Variants in TNNI3K observed in about 807,000 individuals in gnomAD.
The protein encoded by TNNI3K is TNNI3 interacting kinase.
TNNI3K carries 140 observed loss-of-function variants against 114.5 expected under a neutral mutation model. The observed-to-expected ratio is 1.22, with a 90% CI of 1.07 to 1.41. The LOEUF (loss-of-function observed/expected upper bound fraction) is 1.41, where lower values mean the gene tolerates loss of function less well. Among genes scored for constraint, TNNI3K ranks in the 40% most tolerant of loss-of-function variants. TNNI3K has a pLI of 0.00. For synonymous variants in TNNI3K, 347 were observed against 347.5 expected (o/e 1.00, Z 0.02); for missense variants, 1,125 against 1,007.6 (o/e 1.12, Z -1.58).
chr1:74,454,159 G>T (rs913015996), intron 20 of TNNI3K, among the ~76,000 whole-genome samples: 1 of 152,034 alleles, frequency 6.6e-6, no homozygotes, highest in Non-Finnish European at 1.5e-5. Flanking sequence ...AATGTGTAAT[G>T]ATCAAACCAG....
intron 5 of TNNI3K, among the ~76,000 whole-genome samples, chr1:74,320,802 G>A (rs1659566513): frequency 6.6e-6 from 1 of 152,132 alleles, no homozygotes; most frequent in South Asian, 2.1e-4. Flanking sequence ...GATTTTTCAA[G>A]TAGAGGCAAA....
intron 20 of TNNI3K, among the ~76,000 whole-genome samples, chr1:74,445,946 A>G (rs1666646328): frequency 6.6e-6 from 1 of 152,118 alleles, no homozygotes; most frequent in African/African-American, 2.4e-5. Flanking sequence ...TCATTGTTGG[A>G]CATTTGGGTT....
intron 5 of TNNI3K, among the ~76,000 whole-genome samples, chr1:74,282,015 C>A (rs1001620384): frequency 1.3e-5 from 2 of 152,098 alleles, no homozygotes; most frequent in Non-Finnish European, 2.9e-5. Context: ...GGTCATGGTA[C>A]ATTATTCCCT....
intron 23 of TNNI3K, 102 bp downstream of exon 23, chr1:74,492,368 C>A: frequency 1.8e-5 from 23 of 1,311,160 alleles, no homozygotes; most frequent in Non-Finnish European, 2.2e-5. Context: ...TGATTACCCC[C>A]TGAAAAACTT....
intron 23 of TNNI3K, among the ~76,000 whole-genome samples, chr1:74,519,954 G>A (rs1646406977): frequency 6.6e-6 from 1 of 151,946 alleles, no homozygotes; most frequent in Non-Finnish European, 1.5e-5. Flanking sequence ...TTTCTCCTTT[G>A]GATACTGCCA....
intron 23 of TNNI3K, among the ~76,000 whole-genome samples, chr1:74,495,762 A>C (rs559121127): frequency 6.6e-6 from 1 of 152,236 alleles, no homozygotes; most frequent in East Asian, 1.9e-4. Context: ...CTGGCATAGG[A>C]GATGCATGTT....
intron 11 of TNNI3K, among the ~76,000 whole-genome samples, chr1:74,365,094 TA>T (rs1194770778): frequency 6.6e-6 from 1 of 152,038 alleles, no homozygotes; most frequent in Non-Finnish European, 1.5e-5. Flanking sequence ...AAGTAAAGTG[TA>T]AAAGCAGTGA....
chr1:74,268,705 CAT>C (rs1366225229), intron 4 of TNNI3K, among the ~76,000 whole-genome samples: 32 of 151,808 alleles, frequency 2.1e-4, no homozygotes, highest in Non-Finnish European at 1.3e-4. Flanking sequence ...CTCCAGTGCA[CAT>C]AGTCATTGTG....
intron 3 of TNNI3K, 100 bp downstream of exon 3, chr1:74,249,644 C>T (rs1654807260): frequency 1.7e-6 from 2 of 1,177,892 alleles, no homozygotes; most frequent in African/African-American, 1.6e-5. Context: ...TATTCATACT[C>T]AATTTTCCCT....
chr1:74,537,809 T>A (rs925423764), intron 23 of TNNI3K, among the ~76,000 whole-genome samples: 2 of 152,154 alleles, frequency 1.3e-5, no homozygotes, highest in Non-Finnish European at 2.9e-5. Flanking sequence ...CTGGGAGTTT[T>A]CAAGAGGGCT....
intron 2 of TNNI3K, among the ~76,000 whole-genome samples, chr1:74,246,243 C>A (rs1570364053): frequency 6.6e-6 from 1 of 152,200 alleles, no homozygotes; most frequent in Non-Finnish European, 1.5e-5. Context: ...TTTAAACCCT[C>A]AAAGCCAAAT....
At chr1:74,535,749 G>A (rs1439512025) in intron 23 of TNNI3K, among the ~76,000 whole-genome samples, 12 of 152,172 alleles carry the variant, frequency 7.9e-5, no homozygotes, top group Admixed American at 6.5e-4. Context: ...CTGTGGGAAT[G>A]TCATCTATAT....
chr1:74,422,214 G>T (rs772092260), intron 17 of TNNI3K, among the ~76,000 whole-genome samples: 1 of 151,804 alleles, frequency 6.6e-6, no homozygotes, highest in African/African-American at 2.4e-5. Flanking sequence ...CCCCTTTACC[G>T]GAAATAAAGT....
chr1:74,332,814 T>A (rs181078602), intron 6 of TNNI3K, among the ~76,000 whole-genome samples: 20 of 152,230 alleles, frequency 1.3e-4, no homozygotes, highest in African/African-American at 4.8e-4. Flanking sequence ...TTTTCCTAAA[T>A]GGAGAAGCCA....
At chr1:74,537,230 T>C (rs1179272925) in intron 23 of TNNI3K, among the ~76,000 whole-genome samples, 1 of 152,214 alleles carries the variant, frequency 6.6e-6, no homozygotes, top group Non-Finnish European at 1.5e-5. Context: ...CCAAGACTAC[T>C]TTGTATAGTA....
intron 17 of TNNI3K, among the ~76,000 whole-genome samples, chr1:74,420,736 A>G (rs978296123): frequency 3.3e-5 from 5 of 152,178 alleles, no homozygotes; most frequent in Admixed American, 2.6e-4. Flanking sequence ...AATAGCTATA[A>G]TAAGTGTCAG....
At chr1:74,514,898 C>T (rs1202165053) in intron 23 of TNNI3K, among the ~76,000 whole-genome samples, 1 of 152,062 alleles carries the variant, frequency 6.6e-6, no homozygotes, top group Non-Finnish European at 1.5e-5. Flanking sequence ...GGAGTTTATA[C>T]TGGAGTAGGG....
intron 19 of TNNI3K, among the ~76,000 whole-genome samples, chr1:74,438,307 T>C (rs755057587): frequency 4.6e-5 from 7 of 151,896 alleles, no homozygotes; most frequent in Non-Finnish European, 8.8e-5. Context: ...TGCAGAAGAA[T>C]TGCATATGAG....
intron 17 of TNNI3K, chr1:74,378,629 T>TATATATATATATATATATATATAAA (rs1557531489): frequency 2.2e-5 from 3 of 135,792 alleles, no homozygotes; most frequent in African/African-American, 8.2e-5. Context: ...TATATATATA[T>TATATATATATATATATATATATAAA]ATATATATAT....
Sources: gnomAD v4.1 joint callset for allele counts (sites outside exome capture counted in the v4.1 genomes callset) on GRCh38, gnomAD v4.1.1 for gene constraint, MANE v1.5 for transcripts, NCBI Gene and HGNC (gene_info 2026-07-23, HGNC 2026-07-21) for gene names.